The following PPARGC1A variants were observed in gnomAD, a reference collection of about 807,000 sequenced individuals.
PPARGC1A encodes peroxisome proliferator-activated receptor gamma coactivator 1-alpha.
A neutral mutation model predicts 88.7 loss-of-function variants in PPARGC1A; 25 were observed. The observed-to-expected ratio is 0.28, with a 90% CI of 0.21 to 0.39. The LOEUF is 0.39. Among genes scored for constraint, PPARGC1A ranks in the 10% least tolerant of loss-of-function variants. PPARGC1A has a pLI of 1.00. For synonymous variants in PPARGC1A, 363 were observed against 355.6 expected (o/e 1.02, Z -0.24); for missense variants, 880 against 968.7 (o/e 0.91, Z 1.22).
chr4:24,470,271 G>GACACACACACACAC, the PPARGC1A span, among the ~76,000 whole-genome samples: 61 of 72,008 alleles, frequency 8.5e-4, 1 homozygote, highest in South Asian at 2.7e-3. The surrounding 1 kb of genome is among the most constrained non-coding windows in gnomAD (Gnocchi z 5.8). Context: ...CTCATCGACA[G>GACACACACACACAC]ACACAGACAC....
chr4:24,279,989 G>A, the PPARGC1A span, among the ~76,000 whole-genome samples: 1 of 152,086 alleles, frequency 6.6e-6, no homozygotes, highest in Non-Finnish European at 1.5e-5. Context: ...GCCCAATTCA[G>A]CCAGAAAGCC....
At chr4:24,117,470 G>A in the PPARGC1A span, among the ~76,000 whole-genome samples, 1 of 151,778 alleles carries the variant, frequency 6.6e-6, no homozygotes, top group Non-Finnish European at 1.5e-5. Context: ...AAAAACTTCT[G>A]CCCTTTTTTT....
At chr4:24,129,938 A>C in the PPARGC1A span, among the ~76,000 whole-genome samples, 4 of 152,124 alleles carry the variant, frequency 2.6e-5, no homozygotes, top group African/African-American at 7.2e-5. Flanking sequence ...CATAGGTGGG[A>C]ATTGAACAAT....
the PPARGC1A span, among the ~76,000 whole-genome samples, chr4:24,276,770 T>C: frequency 6.6e-6 from 1 of 152,202 alleles, no homozygotes; most frequent in Non-Finnish European, 1.5e-5. Context: ...TCTTGTTAGA[T>C]ACTGAAGCCC....
At position 23,795,872 on chromosome 4, in the gene PPARGC1A, G is replaced by A; in HGVS notation, c.2347C>T (p.Leu783=). 6.2e-7 allele frequency: 1 copy of A among 1,611,610 alleles called. No individual in the cohort carries two copies. The highest frequency in any genetic ancestry group is 1.1e-5 in the South Asian group (1 of 90,790). ...PASTKSKYDS[L]DFDSLLKEAQ... is the part of the protein sequence containing the mutation. ...TCTTTCAGTAAACTATCAAAATCCAGAGAGTCATACTTGCTCTTGGTGGAA... is the reference window on the plus strand; with the variant it reads ...TCTTTCAGTAAACTATCAAAATCCAAAGAGTCATACTTGCTCTTGGTGGAA... The change falls in exon 13 of 13, where the codon CTG becomes TTG. Residue 783 remains leucine, a synonymous_variant. Transcript: ENST00000264867.
chr4:23,972,261 G>A, the PPARGC1A span, among the ~76,000 whole-genome samples: 1 of 152,176 alleles, frequency 6.6e-6, no homozygotes, highest in African/African-American at 2.4e-5. Flanking sequence ...GAAATCTCTT[G>A]CCAGTAGAAC....
At chr4:24,348,199 C>T in the PPARGC1A span, among the ~76,000 whole-genome samples, 1 of 152,170 alleles carries the variant, frequency 6.6e-6, no homozygotes, top group Non-Finnish European at 1.5e-5. Flanking sequence ...AGGTTTTCCT[C>T]ATAGGTTACC....
chr4:24,386,232 G>A, the PPARGC1A span, among the ~76,000 whole-genome samples: 2 of 152,078 alleles, frequency 1.3e-5, no homozygotes, highest in Non-Finnish European at 2.9e-5. Context: ...GGTATTGACA[G>A]AATGTATCTC....
At chr4:23,798,218 T>C (rs1404362262) in intron 12 of PPARGC1A, among the ~76,000 whole-genome samples, 1 of 152,196 alleles carries the variant, frequency 6.6e-6, no homozygotes, top group African/African-American at 2.4e-5. Flanking sequence ...ACAAAGCCTG[T>C]TTGGTGGTCT....
chr4:24,423,795 A>G, the PPARGC1A span, among the ~76,000 whole-genome samples: 1 of 152,372 alleles, frequency 6.6e-6, no homozygotes, highest in East Asian at 1.9e-4. Flanking sequence ...GGAACTGACA[A>G]CAAAAGCAAC....
chr4:23,816,816 T>C (rs28575865), intron 7 of PPARGC1A, among the ~76,000 whole-genome samples: 8,182 of 152,328 alleles, frequency 0.054, 262 homozygotes, highest in South Asian at 0.12. Flanking sequence ...CATTTTTGCT[T>C]ATCTCTTTTC....
intron 12 of PPARGC1A, among the ~76,000 whole-genome samples, chr4:23,796,651 A>G (rs941653232): frequency 6.6e-5 from 10 of 152,218 alleles, no homozygotes; most frequent in African/African-American, 2.2e-4. Context: ...TTTTAGCAAT[A>G]TAGAAAGCAA....
At chr4:23,798,972 A>G (rs1451052765) in intron 12 of PPARGC1A, among the ~76,000 whole-genome samples, 3 of 152,218 alleles carry the variant, frequency 2.0e-5, no homozygotes, top group Non-Finnish European at 2.9e-5. Flanking sequence ...AATAGGATGT[A>G]TAAGCTAACT....
chr4:24,310,729 C>G, the PPARGC1A span, among the ~76,000 whole-genome samples: 2 of 152,200 alleles, frequency 1.3e-5, no homozygotes, highest in Non-Finnish European at 2.9e-5. Context: ...GAAAAACACT[C>G]TTTGAAAAAT....
the PPARGC1A span, among the ~76,000 whole-genome samples, chr4:23,910,396 A>ATATTATATTATATATATTATATATAT: frequency 9.0e-6 from 1 of 111,226 alleles, no homozygotes; most frequent in African/African-American, 3.5e-5. Context: ...TATATATATT[A>ATATTATATTATATATATTATATATAT]TATATATATT....
the PPARGC1A span, among the ~76,000 whole-genome samples, chr4:24,398,363 T>C: frequency 6.6e-6 from 1 of 152,220 alleles, no homozygotes; most frequent in African/African-American, 2.4e-5. Context: ...GGCTCCATTA[T>C]TCTTTTCAAA....
intron 1 of PPARGC1A, among the ~76,000 whole-genome samples, chr4:23,887,627 T>C (rs560100160): frequency 3.0e-4 from 45 of 152,308 alleles, no homozygotes; most frequent in African/African-American, 9.9e-4. Flanking sequence ...CCAACAGACT[T>C]TTCTCTTAGT....
chr4:23,948,888 A>G, the PPARGC1A span, among the ~76,000 whole-genome samples: 1 of 152,190 alleles, frequency 6.6e-6, no homozygotes, highest in Non-Finnish European at 1.5e-5. Flanking sequence ...CTAAAAGGCT[A>G]GTGACCAAAC....
At chr4:23,845,345 T>C (rs1471151787) in intron 2 of PPARGC1A, among the ~76,000 whole-genome samples, 3 of 152,134 alleles carry the variant, frequency 2.0e-5, no homozygotes, top group African/African-American at 7.2e-5. Flanking sequence ...CAATGCTATT[T>C]GTTCATAAAG....
Sources: allele counts gnomAD v4.1 joint callset (sites outside exome capture counted in the v4.1 genomes callset), GRCh38; gene constraint gnomAD v4.1.1; non-coding constraint Gnocchi (gnomAD v3.1); transcripts MANE v1.5; gene names NCBI Gene and HGNC (gene_info 2026-07-23, HGNC 2026-07-21).